The following SPRR2G variants were observed in gnomAD, a reference collection of about 807,000 sequenced individuals.
SPRR2G encodes small proline-rich protein 2G.
SPRR2G carries 1 observed loss-of-function variant against 0.7 expected under a neutral mutation model. The ratio of observed to expected loss-of-function variants is 1.49; its 90% CI spans 0.53 to 7.06. SPRR2G has a LOEUF of 7.06. Ranked by LOEUF, SPRR2G falls within the 30% of genes most tolerant of loss-of-function variation. The pLI, the probability that SPRR2G is intolerant of heterozygous loss-of-function variation, is 0.14. For missense variants in SPRR2G, 96 were observed against 88.5 expected, an observed-to-expected ratio of 1.09 and a Z score of -0.34; for synonymous variants, 38 against 33.9, an observed-to-expected ratio of 1.12 and a Z score of -0.42.
upstream of SPRR2G, among the ~76,000 whole-genome samples, chr1:153,155,310 G>C (rs188166541): frequency 6.9e-4 from 105 of 152,218 alleles, no homozygotes; most frequent in Admixed American, 2.9e-3. Context: ...TGAACCTCCA[G>C]TATTCTCTAT....
At chr1:153,161,689 C>G in the SPRR2G span, among the ~76,000 whole-genome samples, 11 of 152,020 alleles carry the variant, frequency 7.2e-5, no homozygotes, top group African/African-American at 2.7e-4. Flanking sequence ...ACCCAGGCTG[C>G]CATTAGCTGG....
the SPRR2G span, among the ~76,000 whole-genome samples, chr1:153,202,884 C>A: frequency 3.3e-5 from 5 of 152,056 alleles, no homozygotes; most frequent in African/African-American, 9.6e-5. Context: ...CACCCCCATT[C>A]CAACCACAAA....
At chr1:153,178,324 T>A in the SPRR2G span, among the ~76,000 whole-genome samples, 1 of 152,190 alleles carries the variant, frequency 6.6e-6, no homozygotes, top group African/African-American at 2.4e-5. Flanking sequence ...TTATTTTTCT[T>A]ACCTTATTGC....
chr1:153,194,501 C>T, the SPRR2G span, among the ~76,000 whole-genome samples: 2 of 152,180 alleles, frequency 1.3e-5, no homozygotes, highest in African/African-American at 4.8e-5. Context: ...GCCACTTCCA[C>T]CCACACGTGC....
the SPRR2G span, among the ~76,000 whole-genome samples, chr1:153,183,190 TGGTGGCGCATGCCTGTAATCCCAAGTAGC>T: frequency 7.3e-6 from 1 of 137,674 alleles, no homozygotes; most frequent in Non-Finnish European, 1.6e-5. Context: ...AAATTATGTG[TGGTGGCGCATGCCTGTAATCCCAAGTAGC>T]TGGGATTACA....
chr1:153,165,917 G>A, the SPRR2G span, among the ~76,000 whole-genome samples: 1 of 152,222 alleles, frequency 6.6e-6, no homozygotes, highest in Admixed American at 6.5e-5. Flanking sequence ...AGCAGTGACA[G>A]CCTTGGGGTC....
chr1:153,164,276 G>T, the SPRR2G span, among the ~76,000 whole-genome samples: 1 of 152,168 alleles, frequency 6.6e-6, no homozygotes, highest in Admixed American at 6.5e-5. Flanking sequence ...TGATAGGCTG[G>T]CTCAGCAATG....
chr1:153,175,521 G>A, the SPRR2G span, among the ~76,000 whole-genome samples: 25 of 152,258 alleles, frequency 1.6e-4, no homozygotes, highest in African/African-American at 5.8e-4. Flanking sequence ...CTCTCAGCCA[G>A]GAACTCTCCC....
At chr1:153,157,858 C>G in the SPRR2G span, among the ~76,000 whole-genome samples, 9 of 136,140 alleles carry the variant, frequency 6.6e-5, no homozygotes, top group Non-Finnish European at 1.4e-4. Context: ...GCCACACTTA[C>G]AATCATGGAA....
At chr1:153,186,919 G>C in the SPRR2G span, among the ~76,000 whole-genome samples, 1 of 152,130 alleles carries the variant, frequency 6.6e-6, no homozygotes, top group East Asian at 1.9e-4. Flanking sequence ...CTCAGCATTT[G>C]CTTGTCTGTA....
the SPRR2G span, among the ~76,000 whole-genome samples, chr1:153,165,088 C>T: frequency 6.6e-6 from 1 of 152,112 alleles, no homozygotes; most frequent in Non-Finnish European, 1.5e-5. Flanking sequence ...TTCTACCTGG[C>T]AGGAGCTGAA....
the SPRR2G span, among the ~76,000 whole-genome samples, chr1:153,189,736 A>G: frequency 6.6e-6 from 1 of 152,198 alleles, no homozygotes; most frequent in African/African-American, 2.4e-5. Flanking sequence ...AGTAATGATC[A>G]AGTTGTAAGT....
At chr1:153,183,377 G>A in the SPRR2G span, among the ~76,000 whole-genome samples, 2 of 151,636 alleles carry the variant, frequency 1.3e-5, no homozygotes, top group Admixed American at 6.6e-5. Flanking sequence ...ATGAGCCACC[G>A]CGCCTGGCCC....
chr1:153,164,023 CAAT>C, the SPRR2G span, among the ~76,000 whole-genome samples: 1 of 152,154 alleles, frequency 6.6e-6, no homozygotes, highest in Non-Finnish European at 1.5e-5. Flanking sequence ...ATAGTAATAT[CAAT>C]AATAACAATA....
the SPRR2G span, among the ~76,000 whole-genome samples, chr1:153,157,554 A>G: frequency 6.6e-6 from 1 of 152,196 alleles, no homozygotes; most frequent in Non-Finnish European, 1.5e-5. Context: ...AGACATATGC[A>G]TATACCCATG....
chr1:153,175,172 T>C, the SPRR2G span, among the ~76,000 whole-genome samples: 7 of 152,182 alleles, frequency 4.6e-5, no homozygotes, highest in African/African-American at 1.7e-4. Context: ...CCAGGTACCA[T>C]CATCTCTCAC....
chr1:153,151,795 G>A (rs1656473288), upstream of SPRR2G, among the ~76,000 whole-genome samples: 1 of 152,202 alleles, frequency 6.6e-6, no homozygotes, highest in Non-Finnish European at 1.5e-5. Flanking sequence ...GTGAAGTTCT[G>A]TAAAGCTATT....
the SPRR2G span, among the ~76,000 whole-genome samples, chr1:153,198,779 T>C: frequency 1.3e-5 from 2 of 152,286 alleles, no homozygotes; most frequent in South Asian, 4.1e-4. Flanking sequence ...GATGTTAGTA[T>C]TGGGACCTAA....
chr1:153,201,436 C>T, the SPRR2G span, among the ~76,000 whole-genome samples: 1 of 152,210 alleles, frequency 6.6e-6, no homozygotes, highest in Non-Finnish European at 1.5e-5. Flanking sequence ...TTTTACATTG[C>T]TGTCACAAAT....
Sources: allele counts gnomAD v4.1 joint callset (sites outside exome capture counted in the v4.1 genomes callset), GRCh38; gene constraint gnomAD v4.1.1; transcripts MANE v1.5; gene names NCBI Gene and HGNC (gene_info 2026-07-23, HGNC 2026-07-21).